NOX4: variants seen among roughly 807,000 people sequenced by gnomAD.
NOX4 encodes the protein kidney oxidase-1.
A neutral mutation model predicts 87.6 loss-of-function variants in NOX4; 69 were observed. The ratio of observed to expected loss-of-function variants is 0.79; its 90% CI spans 0.65 to 0.96. The LOEUF is 0.96. Ranked by LOEUF, NOX4 falls within the 40% of genes least tolerant of loss-of-function variation. The pLI, the probability that NOX4 is intolerant of heterozygous loss-of-function variation, is 0.00. For missense variants in NOX4, 680 were observed against 681.5 expected (o/e 1.00, Z 0.02); for synonymous variants, 275 against 238.2 (o/e 1.15, Z -1.42).
At chr11:89,385,642 A>T (rs1249154901) in intron 11 of NOX4, among the ~76,000 whole-genome samples, 2 of 152,126 alleles carry the variant, frequency 1.3e-5, no homozygotes, top group African/African-American at 2.4e-5. Context: ...CAAGGAAATC[A>T]ATTCTTAGTG....
At chr11:89,335,622 A>T (rs1945672829) in intron 17 of NOX4, among the ~76,000 whole-genome samples, 1 of 151,794 alleles carries the variant, frequency 6.6e-6, no homozygotes, top group Admixed American at 6.6e-5. Flanking sequence ...TTAGCTCATA[A>T]ATACACTGTA....
At chr11:89,419,661 T>C (rs1201537097) in intron 8 of NOX4, among the ~76,000 whole-genome samples, 1 of 151,816 alleles carries the variant, frequency 6.6e-6, no homozygotes, top group Non-Finnish European at 1.5e-5. Context: ...ATTCATCCTA[T>C]AGATGCCTAC....
intron 2 of NOX4, among the ~76,000 whole-genome samples, chr11:89,479,279 G>T (rs1293115094): frequency 6.6e-6 from 1 of 152,110 alleles, no homozygotes; most frequent in Non-Finnish European, 1.5e-5. Context: ...CAAAAGTATA[G>T]CATGGGGATA....
the NOX4 span, among the ~76,000 whole-genome samples, chr11:89,514,565 A>C: frequency 6.6e-6 from 1 of 152,122 alleles, no homozygotes; most frequent in Admixed American, 6.6e-5. Context: ...AGAACAGATA[A>C]CCTTGTCCTG....
chr11:89,413,896 T>A (rs1183601721), intron 8 of NOX4, among the ~76,000 whole-genome samples: 1 of 152,134 alleles, frequency 6.6e-6, no homozygotes, highest in African/African-American at 2.4e-5. Flanking sequence ...CATAAACATA[T>A]ATGCCTACTA....
In NOX4 at chr11:89,368,208, G is replaced by A. The variant is rs145548245; in HGVS notation, c.1135+5224C>T. On this transcript the variant is annotated intron_variant, in intron 12 of 17. Coordinates refer to ENST00000263317, the MANE Select transcript of NOX4 (RefSeq NM_016931.5). ...TCGTCCTTATTTCCTCCTTTCAGCT[G>A]CTGACTTATTTCTTTATTTCACTTT... 2.6e-3 allele frequency among the ~76,000 whole-genome samples: 399 copies of A among 151,930 alleles called. 1 individual carries two copies. The highest frequency in any genetic ancestry group is 9.1e-3 in the African/African-American group (379 of 41,444).
At position 89,376,648 on chromosome 11, in the gene NOX4, C is replaced by T. The variant is rs547094467; in HGVS notation, c.1075-3156G>A. 5.9e-5 allele frequency among the ~76,000 whole-genome samples: 9 copies of T among 152,182 alleles called. No homozygotes were observed. The East Asian group carries it at 7.7e-4, about 13-fold the overall frequency. On this transcript the variant is annotated intron_variant, in intron 11 of 17. Coordinates refer to ENST00000263317, the MANE Select transcript of NOX4 (RefSeq NM_016931.5). Reference sequence around the variant, plus strand: ...CTGTAATCCTAGCACTTTGGGAGGCCGGGGCAGGTGGATCACAAGGTCATG... The same window carrying T: ...CTGTAATCCTAGCACTTTGGGAGGCTGGGGCAGGTGGATCACAAGGTCATG...
chr11:89,471,309 G>A (rs1273607973), intron 2 of NOX4, among the ~76,000 whole-genome samples: 2 of 152,118 alleles, frequency 1.3e-5, no homozygotes, highest in Non-Finnish European at 2.9e-5. Context: ...CCTCAAAAAT[G>A]CATGGTTATT....
At chr11:89,329,356 G>GAAAAAAAAAAAAAAAAAAAGA (rs1945363530) in intron 17 of NOX4, among the ~76,000 whole-genome samples, 1 of 34,712 alleles carries the variant, frequency 2.9e-5, no homozygotes, top group Non-Finnish European at 5.3e-5. Context: ...GAAAAAAACT[G>GAAAAAAAAAAAAAAAAAAAGA]AAAAAAAAAA....
chr11:89,569,204 G>A, the NOX4 span, among the ~76,000 whole-genome samples: 2 of 150,356 alleles, frequency 1.3e-5, no homozygotes, highest in Non-Finnish European at 3.0e-5. Context: ...AACAAAAATG[G>A]ACAAGTAGGA....
chr11:89,436,276 C>T (rs1358801253), intron 6 of NOX4, among the ~76,000 whole-genome samples: 2 of 152,156 alleles, frequency 1.3e-5, no homozygotes, highest in Non-Finnish European at 2.9e-5. Context: ...TTTCAGGGCA[C>T]ATCAAAGGGC....
rs950936726 is a variant in NOX4, at chr11:89,396,750, AT to A, written c.1074+3266del. Among the ~76,000 whole-genome samples the A allele has an allele frequency of 9.2e-5, 14 of 152,198 alleles. 1 individual carries two copies. The highest frequency in any genetic ancestry group is 1.8e-4 in the Non-Finnish European group (12 of 68,036). On this transcript the variant is annotated intron_variant, in intron 11 of 17. Transcript: ENST00000263317. ...CCATTACATAATGGTAAAGGGATCA[AT>A]TCAGCAAGAAGAGCTAACTATCCTA...
chr11:89,379,306 G>T (rs972285300), intron 11 of NOX4, among the ~76,000 whole-genome samples: 1 of 151,824 alleles, frequency 6.6e-6, no homozygotes, highest in Non-Finnish European at 1.5e-5. Flanking sequence ...CCCATCTTTT[G>T]ATCACAACAC....
intron 12 of NOX4, among the ~76,000 whole-genome samples, chr11:89,357,543 T>G (rs1938165347): frequency 6.6e-6 from 1 of 152,184 alleles, no homozygotes; most frequent in African/African-American, 2.4e-5. Context: ...TGTAATGCTC[T>G]ATCTTTTCAA....
the NOX4 span, among the ~76,000 whole-genome samples, chr11:89,525,216 C>G: frequency 2.0e-5 from 3 of 151,784 alleles, no homozygotes; most frequent in African/African-American, 7.3e-5. Flanking sequence ...CTTTAAATTC[C>G]TAGGTGTGGA....
intron 16 of NOX4, 105 bp from the exon 17 acceptor site, chr11:89,336,050 T>A (rs552122050): frequency 3.3e-6 from 2 of 608,148 alleles, no homozygotes; most frequent in East Asian, 6.1e-5. Flanking sequence ...TGCTGTGATA[T>A]AAAGAATGTA....
intron 11 of NOX4, among the ~76,000 whole-genome samples, chr11:89,382,396 AT>A (rs1940354385): frequency 6.6e-6 from 1 of 151,870 alleles, no homozygotes; most frequent in Non-Finnish European, 1.5e-5. Context: ...AACACTCTCA[AT>A]TTCTCCATTG....
At chr11:89,403,600 G>C (rs922169189) in intron 8 of NOX4, among the ~76,000 whole-genome samples, 4 of 152,052 alleles carry the variant, frequency 2.6e-5, no homozygotes, top group African/African-American at 9.7e-5. Context: ...AAATTAGCCA[G>C]GTGTGGTGGT....
At chr11:89,574,976 A>ATT in the NOX4 span, among the ~76,000 whole-genome samples, 1 of 152,304 alleles carries the variant, frequency 6.6e-6, no homozygotes, top group East Asian at 1.9e-4. Context: ...TAAGGTCAGG[A>ATT]GTTTGGGACC....
Sources: allele counts gnomAD v4.1 joint callset (sites outside exome capture counted in the v4.1 genomes callset), GRCh38; gene constraint gnomAD v4.1.1; transcripts MANE v1.5; gene names NCBI Gene and HGNC (gene_info 2026-07-23, HGNC 2026-07-21).